The following ANKAR variants were observed in gnomAD, a reference collection of about 807,000 sequenced individuals.
ANKAR encodes ankyrin and armadillo repeat-containing protein.
ANKAR carries 136 observed loss-of-function variants against 146.2 expected under a neutral mutation model. That is an observed-to-expected ratio of 0.93 (90% confidence interval 0.81 to 1.07). The LOEUF is 1.07. Among genes scored for constraint, ANKAR ranks in the 50% least tolerant of loss-of-function variants. ANKAR has a pLI of 0.00. For synonymous variants in ANKAR, 500 were observed against 575.8 expected, an observed-to-expected ratio of 0.87 and a Z score of 1.88; for missense variants, 1,567 against 1,679.9, an observed-to-expected ratio of 0.93 and a Z score of 1.18.
chr2:189,752,854 A>C, intron 18 of ANKAR: 1 of 1,613,752 alleles, frequency 6.2e-7, no homozygotes, highest in African/African-American at 1.3e-5. Context: ...CTTACCATGC[A>C]ATCATAATGC....
In ANKAR at chr2:189,742,833, GAC is replaced by G. The variant is rs371664229; in HGVS notation, c.3811-424_3811-423del. 2.1e-3 allele frequency among the ~76,000 whole-genome samples: 110 copies of G among 53,294 alleles called. 4 individuals carry two copies. Among genetic ancestry groups the G allele is most frequent in the African/African-American group, 3.7e-3 (96 of 25,690 alleles). 35.0% of individuals were successfully genotyped at this position (53,294 alleles called of 152,430 possible). On this transcript the variant is annotated intron_variant, in intron 20 of 22. Coordinates refer to ENST00000684021, the MANE Select transcript of ANKAR (RefSeq NM_001378068.1). Reference sequence around the variant, plus strand: ...CTTTGGTGGCACATTAGAATTACCTGACACACACACACACACACATTAGAATT... The same window carrying G: ...CTTTGGTGGCACATTAGAATTACCTGACACACACACACACACATTAGAATT...
intron 12 of ANKAR, among the ~76,000 whole-genome samples, chr2:189,723,603 A>G (rs1247242830): frequency 1.3e-5 from 2 of 152,144 alleles, no homozygotes; most frequent in African/African-American, 4.8e-5. Context: ...GTTATACAAT[A>G]TGTAGTATTA....
chr2:189,702,915 A>T (rs1268264125), intron 7 of ANKAR, among the ~76,000 whole-genome samples: 2 of 152,218 alleles, frequency 1.3e-5, no homozygotes, highest in Non-Finnish European at 2.9e-5. Flanking sequence ...AGAGAGCAGG[A>T]ATAGTCCAGG....
intron 20 of ANKAR, among the ~76,000 whole-genome samples, chr2:189,741,785 A>G (rs1261541029): frequency 6.6e-6 from 1 of 152,224 alleles, no homozygotes; most frequent in African/African-American, 2.4e-5. Flanking sequence ...AAAGATTTAA[A>G]AAGAACTACC....
intron 18 of ANKAR, chr2:189,755,046 G>T: frequency 8.8e-7 from 1 of 1,133,804 alleles, no homozygotes; most frequent in Non-Finnish European, 1.2e-6. Context: ...CACCATATGT[G>T]AATTTTTTTC....
chr2:189,749,113 G>A (rs557304092), downstream of ANKAR, among the ~76,000 whole-genome samples: 7 of 151,954 alleles, frequency 4.6e-5, no homozygotes, highest in South Asian at 1.5e-3. Flanking sequence ...GGGCATGGTG[G>A]TGCTTGCCTG....
At chr2:189,686,297 G>A (rs2035586418) in intron 2 of ANKAR, among the ~76,000 whole-genome samples, 1 of 152,112 alleles carries the variant, frequency 6.6e-6, no homozygotes, top group Non-Finnish European at 1.5e-5. Context: ...ACAAACAAAT[G>A]CCACATTTTC....
At chr2:189,752,665 C>A in intron 18 of ANKAR, 1 of 1,613,668 alleles carries the variant, frequency 6.2e-7, no homozygotes, top group Non-Finnish European at 8.5e-7. Context: ...TGGTTCATAG[C>A]GGATGCCTTC....
intron 12 of ANKAR, 120 bp from the exon 13 acceptor site, chr2:189,727,736 T>C: frequency 7.8e-7 from 1 of 1,277,264 alleles, no homozygotes; most frequent in East Asian, 2.6e-5. Flanking sequence ...TATTTTTCTT[T>C]ATTTTCTCTA....
chr2:189,696,234 A>T lies in ANKAR; in HGVS notation c.1573A>T (p.Thr525Ser), dbSNP rs761021740. The change falls in exon 7 of 23, where the codon ACA becomes TCA. Residue 525 changes from threonine (T) to serine (S), a missense_variant. Physicochemically the swap from Thr to Ser is moderately conservative, Grantham distance 58. Transcript: ENST00000684021. ...ATTTAGCCGTAAAACCTCAAGCTCAACAATCAATGTTTCAGATGAAGCAGG... is the reference window on the plus strand; with the variant it reads ...ATTTAGCCGTAAAACCTCAAGCTCATCAATCAATGTTTCAGATGAAGCAGG... ...HTFSRKTSSS[T>S]INVSDEAGYT... The T allele has an allele frequency of 1.9e-6, 3 of 1,614,156 alleles. No homozygotes were observed. The South Asian group carries it at 3.3e-5, about 18-fold the overall frequency.
At chr2:189,752,813 T>C (rs935241087) in intron 18 of ANKAR, 1 of 1,613,306 alleles carries the variant, frequency 6.2e-7, no homozygotes, top group Admixed American at 1.7e-5. Context: ...AATATTTACA[T>C]AGTTATGAGT....
chr2:189,728,972 G>C, intron 15 of ANKAR, 151 bp downstream of exon 15: 1 of 733,938 alleles, frequency 1.4e-6, no homozygotes, highest in Non-Finnish European at 2.0e-6. Flanking sequence ...AACTTTTAAA[G>C]TTTGTCTAAG....
At chr2:189,722,595 C>G (rs1357047344) in intron 12 of ANKAR, among the ~76,000 whole-genome samples, 1 of 151,798 alleles carries the variant, frequency 6.6e-6, no homozygotes, top group Non-Finnish European at 1.5e-5. Flanking sequence ...TGAAAGAAAA[C>G]TATAGCACCG....
At chr2:189,701,488 G>T (rs1269056639) in intron 7 of ANKAR, among the ~76,000 whole-genome samples, 2 of 152,164 alleles carry the variant, frequency 1.3e-5, no homozygotes, top group African/African-American at 4.8e-5. Flanking sequence ...TCCCACCTTG[G>T]CTTCCCAAAG....
chr2:189,716,664 C>G (rs1232080030), intron 10 of ANKAR, among the ~76,000 whole-genome samples: 2 of 152,236 alleles, frequency 1.3e-5, no homozygotes, highest in African/African-American at 4.8e-5. Flanking sequence ...AAAGCTGGAG[C>G]AATCACGCTA....
chr2:189,750,447 A>AGT, downstream of ANKAR: 1 of 416,914 alleles, frequency 2.4e-6, no homozygotes, highest in Non-Finnish European at 4.0e-6. Flanking sequence ...TAAAACATCA[A>AGT]ATAGAAAAAA....
At chr2:189,699,199 G>T (rs2037703925) in intron 7 of ANKAR, among the ~76,000 whole-genome samples, 2 of 152,020 alleles carry the variant, frequency 1.3e-5, no homozygotes, top group Non-Finnish European at 2.9e-5. Context: ...TTCAATTAAG[G>T]CTCTAAGGTA....
intron 2 of ANKAR, among the ~76,000 whole-genome samples, chr2:189,689,286 C>T (rs1574395454): frequency 6.6e-6 from 1 of 152,146 alleles, no homozygotes; most frequent in East Asian, 1.9e-4. Flanking sequence ...ACCTCCCATC[C>T]CATCATGGCC....
At chr2:189,686,431 C>T (rs377394626) in intron 2 of ANKAR, among the ~76,000 whole-genome samples, 195 of 152,128 alleles carry the variant, frequency 1.3e-3, no homozygotes, top group African/African-American at 4.4e-3. Flanking sequence ...TTGTAAATGG[C>T]AAGAAAATGT....
Sources: gnomAD v4.1 joint callset for allele counts (sites outside exome capture counted in the v4.1 genomes callset) on GRCh38, gnomAD v4.1.1 for gene constraint, MANE v1.5 for transcripts, NCBI Gene and HGNC (gene_info 2026-07-23, HGNC 2026-07-21) for gene names.